Variants in PTPN4 observed in about 807,000 individuals in gnomAD.
PTPN4 encodes the protein protein tyrosine phosphatase non-receptor type 4.
A neutral mutation model predicts 135.5 loss-of-function variants in PTPN4; 49 were observed. The observed-to-expected ratio is 0.36, with a 90% CI of 0.29 to 0.46. PTPN4 has a LOEUF of 0.46. Ranked by LOEUF, PTPN4 falls within the 20% of genes least tolerant of loss-of-function variation. The pLI, the probability that PTPN4 is intolerant of heterozygous loss-of-function variation, is 1.00. For missense variants in PTPN4, 860 were observed against 1,101.0 expected (o/e 0.78, Z 3.10); for synonymous variants, 333 against 369.9 (o/e 0.90, Z 1.14).
intron 11 of PTPN4, among the ~76,000 whole-genome samples, chr2:119,917,935 A>G (rs1678680487): frequency 1.3e-5 from 2 of 152,190 alleles, no homozygotes; most frequent in African/African-American, 4.8e-5. Flanking sequence ...AATATAATTG[A>G]TAGAATATGG....
At chr2:119,864,073 C>G (rs893426690) in intron 3 of PTPN4, among the ~76,000 whole-genome samples, 1 of 152,082 alleles carries the variant, frequency 6.6e-6, no homozygotes, top group Non-Finnish European at 1.5e-5. Flanking sequence ...AAGAAAGGTT[C>G]AAGTTTTTAA....
chr2:119,881,811 C>G lies in PTPN4; in HGVS notation c.394C>G (p.Gln132Glu). ...TRYQYFLQIK[Q>E]DILTGRLPCP... ...GTACCAGTATTTTTTGCAAATTAAA[C>G]AAGACATTCTTACTGGAAGGTGGGC... The change falls in exon 6 of 27, where the codon CAA (glutamine) becomes GAA (glutamate). Residue 132 changes from glutamine (Q) to glutamate (E), a missense_variant. By Grantham distance (29) the Gln-to-Glu change is conservative. Transcript: ENST00000263708. 1 of 1,564,564 alleles carries G rather than the reference C, an allele frequency of 6.4e-7. No individual in the cohort carries two copies. The highest frequency in any genetic ancestry group is 8.7e-7 in the Non-Finnish European group (1 of 1,143,044).
chr2:119,900,690 A>G (rs72838974), intron 9 of PTPN4, 28 bp from the exon 10 acceptor site: 37,402 of 1,348,344 alleles, frequency 0.028, 685 homozygotes, highest in Non-Finnish European at 0.032. Context: ...ATTTAGATTT[A>G]TCATGTTTTT....
At chr2:119,914,192 A>AT (rs1678614490) in intron 10 of PTPN4, among the ~76,000 whole-genome samples, 2 of 140,672 alleles carry the variant, frequency 1.4e-5, no homozygotes, top group Admixed American at 7.1e-5. Flanking sequence ...TCTTCATAAG[A>AT]TTTTTTGAAT....
chr2:119,917,313 C>A (rs1333277417), intron 11 of PTPN4, among the ~76,000 whole-genome samples: 1 of 152,180 alleles, frequency 6.6e-6, no homozygotes, highest in Non-Finnish European at 1.5e-5. Flanking sequence ...AGACAGTATA[C>A]AGGGATCCTT....
chr2:119,779,565 C>G (rs998921104), intron 1 of PTPN4, among the ~76,000 whole-genome samples: 4 of 145,482 alleles, frequency 2.7e-5, no homozygotes, highest in South Asian at 2.1e-4. Context: ...TGCAGTGAGC[C>G]GAGATTGTGC....
At chr2:119,857,856 T>C (rs1677704747) in intron 2 of PTPN4, among the ~76,000 whole-genome samples, 1 of 152,194 alleles carries the variant, frequency 6.6e-6, no homozygotes, top group South Asian at 2.1e-4. Flanking sequence ...TTTGGATGTT[T>C]GTCCCCTCCA....
intron 1 of PTPN4, among the ~76,000 whole-genome samples, chr2:119,788,731 T>C (rs1309625952): frequency 2.0e-5 from 3 of 152,234 alleles, no homozygotes; most frequent in African/African-American, 7.2e-5. Flanking sequence ...TCAAGGTTCA[T>C]CTGCATTGTA....
At chr2:119,938,023 T>C (rs1363068718) in intron 15 of PTPN4, among the ~76,000 whole-genome samples, 1 of 151,860 alleles carries the variant, frequency 6.6e-6, no homozygotes, top group Non-Finnish European at 1.5e-5. Flanking sequence ...CCAATATGAA[T>C]GTTGGGCATT....
chr2:119,955,725 C>G (rs1489875501), intron 20 of PTPN4, among the ~76,000 whole-genome samples: 1 of 152,030 alleles, frequency 6.6e-6, no homozygotes, highest in Non-Finnish European at 1.5e-5. Context: ...ATCACAAGGT[C>G]AGGAGATCAA....
chr2:119,935,552 T>G (rs1678970123), intron 15 of PTPN4, among the ~76,000 whole-genome samples: 1 of 152,100 alleles, frequency 6.6e-6, no homozygotes, highest in Admixed American at 6.5e-5. Context: ...TCAAAACAAG[T>G]AGGAGTTCAG....
intron 24 of PTPN4, among the ~76,000 whole-genome samples, chr2:119,963,630 G>A (rs1558776679): frequency 6.6e-6 from 1 of 152,178 alleles, no homozygotes; most frequent in Admixed American, 6.5e-5. Flanking sequence ...AAGTTGTGCT[G>A]ATTTATAGAA....
In PTPN4 at chr2:119,875,737, T is replaced by C. The variant is rs893396015; in HGVS notation, c.247-1586T>C. Among the ~76,000 whole-genome samples the C allele has an allele frequency of 3.8e-4, 58 of 152,170 alleles. 1 individual carries two copies. The highest frequency in any genetic ancestry group is 1.3e-3 in the African/African-American group (54 of 41,450). ...GGATTACAGGTGTGTGCCACTGCTTTTGACAGTATTTTTAACTCATATTAT... is the reference window on the plus strand; with the variant it reads ...GGATTACAGGTGTGTGCCACTGCTTCTGACAGTATTTTTAACTCATATTAT... On this transcript the variant is annotated intron_variant, in intron 3 of 26. Coordinates refer to ENST00000263708, the MANE Select transcript of PTPN4 (RefSeq NM_002830.4).
Position 119,955,332 on chromosome 2 carries a change from TATC to T in PTPN4, c.1980+12_1980+14del. The T allele has an allele frequency of 6.5e-7, 1 of 1,545,874 alleles. No homozygotes were observed. The highest frequency in any genetic ancestry group is 1.3e-5 in the South Asian group (1 of 79,728). On this transcript the variant is annotated intron_variant, in intron 20 of 26. Coordinates refer to ENST00000263708, the MANE Select transcript of PTPN4 (RefSeq NM_002830.4). The stretch of plus-strand genomic sequence containing the variant: ...TCCTGACACAGTTTGATGTAAGTAA[TATC>T]ATTATATATTAAAAGCATTTTGCTG...
chr2:119,781,711 T>C (rs1207403575), intron 1 of PTPN4, among the ~76,000 whole-genome samples: 1 of 152,220 alleles, frequency 6.6e-6, no homozygotes, highest in Non-Finnish European at 1.5e-5. Flanking sequence ...CCATGAAAAT[T>C]ACATGAAATT....
chr2:119,861,986 A>AT (rs1264200776), intron 2 of PTPN4, among the ~76,000 whole-genome samples: 3 of 117,752 alleles, frequency 2.5e-5, no homozygotes, highest in Non-Finnish European at 5.1e-5. Context: ...CTTTTATGGC[A>AT]TTATAATACA....
chr2:119,857,991 C>T (rs1677706804), intron 2 of PTPN4, among the ~76,000 whole-genome samples: 1 of 152,188 alleles, frequency 6.6e-6, no homozygotes, highest in South Asian at 2.1e-4. Flanking sequence ...CGAGTTCTTG[C>T]TCAGTTAACC....
chr2:119,860,779 A>G (rs1677749547), intron 2 of PTPN4, among the ~76,000 whole-genome samples: 2 of 152,152 alleles, frequency 1.3e-5, no homozygotes, highest in Non-Finnish European at 2.9e-5. Context: ...GGTGGCTCAC[A>G]TCTGTAATCC....
chr2:119,969,673 C>T (rs926360100), intron 26 of PTPN4, among the ~76,000 whole-genome samples: 1 of 151,110 alleles, frequency 6.6e-6, no homozygotes, highest in African/African-American at 2.4e-5. Context: ...ATTCTGCTGC[C>T]TCAGCCTCCT....
Sources: gnomAD v4.1 joint callset for allele counts (sites outside exome capture counted in the v4.1 genomes callset) on GRCh38, gnomAD v4.1.1 for gene constraint, MANE v1.5 for transcripts, NCBI Gene and HGNC (gene_info 2026-07-23, HGNC 2026-07-21) for gene names.